CSMD1: variants seen among roughly 807,000 people sequenced by gnomAD.
CSMD1 encodes CUB and Sushi multiple domains 1, also known as CUB and sushi domain-containing protein 1.
In CSMD1, 213 loss-of-function variants were observed where a neutral mutation model predicts 417.5. That is an observed-to-expected ratio of 0.51 (90% CI 0.46 to 0.57). The LOEUF (loss-of-function observed/expected upper bound fraction) is 0.57, where lower values mean the gene tolerates loss of function less well. CSMD1 is among the 20% of genes least tolerant of loss of function. The pLI, the probability that CSMD1 is intolerant of heterozygous loss-of-function variation, is 0.00. For missense variants in CSMD1, 6,923 were observed against 4,529.7 expected, an observed-to-expected ratio of 1.53 and a Z score of -15.17; for synonymous variants, 2,862 against 1,736.8, an observed-to-expected ratio of 1.65 and a Z score of -16.11.
intron 1 of CSMD1, among the ~76,000 whole-genome samples, chr8:4,786,594 G>A (rs1016790008): frequency 1.3e-5 from 2 of 152,146 alleles, no homozygotes; most frequent in African/African-American, 4.8e-5. Flanking sequence ...GGCATTTGAG[G>A]CATCAACATT....
chr8:3,748,450 G>C (rs933060796), intron 6 of CSMD1, among the ~76,000 whole-genome samples: 1 of 152,174 alleles, frequency 6.6e-6, no homozygotes, highest in African/African-American at 2.4e-5. Context: ...ACTCTGCAGA[G>C]CAGTGGTCCG....
chr8:3,384,935 ATAT>A (rs1810896709), intron 18 of CSMD1, among the ~76,000 whole-genome samples: 1 of 108,682 alleles, frequency 9.2e-6, no homozygotes, highest in Non-Finnish European at 1.7e-5. Flanking sequence ...CTAATATAAT[ATAT>A]AATATATGCA....
intron 3 of CSMD1, among the ~76,000 whole-genome samples, chr8:4,411,856 T>C (rs1365134502): frequency 6.6e-6 from 1 of 152,224 alleles, no homozygotes; most frequent in Non-Finnish European, 1.5e-5. Flanking sequence ...AATGGAATTA[T>C]GTTGCATTTT....
At chr8:4,175,940 C>T (rs7828070) in intron 3 of CSMD1, among the ~76,000 whole-genome samples, 2 of 151,802 alleles carry the variant, frequency 1.3e-5, no homozygotes, top group African/African-American at 2.4e-5. Context: ...CAGGTGCTGT[C>T]GACATTGGTG....
intron 5 of CSMD1, among the ~76,000 whole-genome samples, chr8:3,914,114 G>A (rs1465608119): frequency 5.3e-5 from 8 of 152,202 alleles, no homozygotes; most frequent in South Asian, 4.2e-4. Flanking sequence ...TGTCTTCAGC[G>A]TTAGAATTTT....
At chr8:3,509,864 C>G (rs969218616) in intron 10 of CSMD1, among the ~76,000 whole-genome samples, 2 of 152,168 alleles carry the variant, frequency 1.3e-5, no homozygotes, top group Non-Finnish European at 2.9e-5. Flanking sequence ...TTGGACCCAA[C>G]TCTGTGGCCA....
chr8:3,105,807 C>T (rs748480938), intron 46 of CSMD1, among the ~76,000 whole-genome samples: 1 of 152,164 alleles, frequency 6.6e-6, no homozygotes, highest in Admixed American at 6.6e-5. Flanking sequence ...TATAGCGTAG[C>T]TTAATAAATG....
intron 2 of CSMD1, among the ~76,000 whole-genome samples, chr8:4,620,793 AAGAG>A (rs901100147): frequency 2.6e-5 from 4 of 151,958 alleles, no homozygotes; most frequent in African/African-American, 9.7e-5. Flanking sequence ...ATTTATAAAA[AAGAG>A]AGAGCCAAAT....
intron 6 of CSMD1, among the ~76,000 whole-genome samples, chr8:3,750,316 A>G (rs1292260979): frequency 6.7e-6 from 1 of 149,878 alleles, no homozygotes; most frequent in Non-Finnish European, 1.5e-5. Flanking sequence ...TCTCCACTTT[A>G]TATGTATATA....
chr8:3,916,242 C>T (rs943137838), intron 5 of CSMD1, among the ~76,000 whole-genome samples: 3 of 151,938 alleles, frequency 2.0e-5, no homozygotes, highest in Non-Finnish European at 2.9e-5. Flanking sequence ...TGAGGTGTAA[C>T]GAAAATATAT....
At chr8:3,842,500 T>G (rs767197183) in intron 5 of CSMD1, among the ~76,000 whole-genome samples, 1 of 152,178 alleles carries the variant, frequency 6.6e-6, no homozygotes, top group Non-Finnish European at 1.5e-5. Flanking sequence ...TGGCTAAATT[T>G]CTAGGGAAGA....
intron 23 of CSMD1, among the ~76,000 whole-genome samples, chr8:3,320,824 G>A (rs918851132): frequency 6.6e-6 from 1 of 152,172 alleles, no homozygotes; most frequent in African/African-American, 2.4e-5. Flanking sequence ...GCAGAGCGAG[G>A]GCGCAGGGTC....
intron 25 of CSMD1, among the ~76,000 whole-genome samples, chr8:3,301,763 C>T (rs939596336): frequency 3.9e-5 from 6 of 152,044 alleles, no homozygotes; most frequent in African/African-American, 1.4e-4. Flanking sequence ...TGGTGCTTGT[C>T]AACGTACAGT....
At chr8:3,090,112 T>C (rs553534310) in intron 48 of CSMD1, among the ~76,000 whole-genome samples, 1 of 151,672 alleles carries the variant, frequency 6.6e-6, no homozygotes, top group Admixed American at 6.6e-5. Flanking sequence ...CAGGAGATCG[T>C]GACCATCCTG....
chr8:3,701,178 G>A (rs991028396), intron 7 of CSMD1, among the ~76,000 whole-genome samples: 2 of 152,184 alleles, frequency 1.3e-5, no homozygotes, highest in South Asian at 2.1e-4. Flanking sequence ...AAGTAAGCCC[G>A]TGGATAGGAA....
intron 54 of CSMD1, among the ~76,000 whole-genome samples, chr8:2,996,724 C>A (rs1292884711): frequency 1.3e-5 from 2 of 152,244 alleles, no homozygotes; most frequent in Non-Finnish European, 2.9e-5. Context: ...TGTTTTGCAT[C>A]TCCTCTTATT....
chr8:4,014,177 T>C (rs1796409550), intron 4 of CSMD1, among the ~76,000 whole-genome samples: 1 of 152,150 alleles, frequency 6.6e-6, no homozygotes, highest in East Asian at 1.9e-4. Context: ...TAGAAATGCA[T>C]TCATTAAGTT....
intron 8 of CSMD1, among the ~76,000 whole-genome samples, chr8:3,608,078 C>G (rs751248252): frequency 4.7e-5 from 7 of 150,110 alleles, no homozygotes; most frequent in Non-Finnish European, 1.0e-4. Context: ...AGGCTGAGGC[C>G]GGAGAATTGT....
chr8:3,794,264 G>C (rs1342418886), intron 5 of CSMD1, among the ~76,000 whole-genome samples: 1 of 152,206 alleles, frequency 6.6e-6, no homozygotes, highest in East Asian at 1.9e-4. Flanking sequence ...ATGGCCTGCA[G>C]CTACTTCCCT....
Sources: gnomAD v4.1 joint callset for allele counts (sites outside exome capture counted in the v4.1 genomes callset) on GRCh38, gnomAD v4.1.1 for gene constraint, MANE v1.5 for transcripts, NCBI Gene and HGNC (gene_info 2026-07-23, HGNC 2026-07-21) for gene names.